The following FAM78B variants were observed in gnomAD, a reference collection of about 807,000 sequenced individuals.
FAM78B encodes the protein protein FAM78B.
A neutral mutation model predicts 20.0 loss-of-function variants in FAM78B; 10 were observed. The ratio of observed to expected loss-of-function variants is 0.50; its 90% CI spans 0.31 to 0.85. The LOEUF (loss-of-function observed/expected upper bound fraction) is 0.85. Ranked by LOEUF, FAM78B falls within the 40% of genes least tolerant of loss-of-function variation. FAM78B has a pLI of 0.05. For synonymous variants in FAM78B, 135 were observed against 132.8 expected, an observed-to-expected ratio of 1.02 and a Z score of -0.12; for missense variants, 283 against 345.0, an observed-to-expected ratio of 0.82 and a Z score of 1.42.
intron 1 of FAM78B, among the ~76,000 whole-genome samples, chr1:166,071,347 T>C (rs956764502): frequency 2.0e-5 from 3 of 152,328 alleles, no homozygotes; most frequent in Non-Finnish European, 4.4e-5. Context: ...GAGAAAATCA[T>C]GGTCATCTTC....
At chr1:166,093,250 T>G (rs1336454173) in intron 1 of FAM78B, among the ~76,000 whole-genome samples, 1 of 152,294 alleles carries the variant, frequency 6.6e-6, no homozygotes, top group East Asian at 1.9e-4. Context: ...GAACAGATAT[T>G]CGGCAGAAAG....
At chr1:166,084,326 G>C (rs1652720274) in intron 1 of FAM78B, among the ~76,000 whole-genome samples, 1 of 150,674 alleles carries the variant, frequency 6.6e-6, no homozygotes, top group Admixed American at 6.6e-5. Context: ...AAAAATATCT[G>C]CTCTGGAAGC....
At position 166,069,886 on chromosome 1, in the gene FAM78B, G is replaced by A. The variant is rs2101708708; in HGVS notation, c.*355C>T. On this transcript the variant is annotated 3_prime_UTR_variant, in exon 2 of 2. Coordinates refer to ENST00000354422, the MANE Select transcript of FAM78B (RefSeq NM_001017961.5). The stretch of plus-strand genomic sequence containing the variant: ...TCTAATTGGCTGGGAAGCAGCATTT[G>A]CCACAGGCACTGTTTAATTTCGTTT... 1.3e-6 allele frequency: 1 copy of A among 743,528 alleles called. No individual in the cohort carries two copies. Among genetic ancestry groups the A allele is most frequent in the Middle Eastern group, 6.5e-4 (1 of 1,542 alleles). The allele number at this position is 743,528 out of a possible 1,614,324, so 46.1% of individuals were successfully genotyped here.
intron 1 of FAM78B, among the ~76,000 whole-genome samples, chr1:166,132,187 T>C (rs989679235): frequency 3.3e-5 from 5 of 152,236 alleles, no homozygotes; most frequent in African/African-American, 9.6e-5. Flanking sequence ...ATCATTACTA[T>C]TGTGTAACAC....
rs1213570514 is a variant in FAM78B at position 166,166,944 on chromosome 1, C to G, written c.-696G>C. ...GGAGGCTGTGGCCCGGGGTGGAGAGCCCCAACGGCTGGAGCAGCACAGGAC... is the reference window on the plus strand; with the variant it reads ...GGAGGCTGTGGCCCGGGGTGGAGAGGCCCAACGGCTGGAGCAGCACAGGAC... On this transcript the variant is annotated 5_prime_UTR_variant, in exon 1 of 2. Transcript: ENST00000354422. 6.6e-6 allele frequency: 1 copy of G among 151,494 alleles called. No homozygotes were observed. The highest frequency in any genetic ancestry group is 6.6e-5 in the Admixed American group (1 of 15,220). The allele number at this position is 151,494 out of a possible 1,614,324, so 9.4% of individuals were successfully genotyped here.
intron 1 of FAM78B, among the ~76,000 whole-genome samples, chr1:166,107,066 A>T (rs1339481440): frequency 6.6e-6 from 1 of 152,114 alleles, no homozygotes; most frequent in Non-Finnish European, 1.5e-5. Flanking sequence ...GCACAAACTG[A>T]CCCTCTAAGG....
At chr1:166,068,430 ATAAC>A (rs1321690101), downstream of FAM78B, among the ~76,000 whole-genome samples, 1 of 152,258 alleles carries the variant, frequency 6.6e-6, no homozygotes, top group Non-Finnish European at 1.5e-5. Context: ...CTTGCCATCA[ATAAC>A]TAATCTATAA....
chr1:166,110,373 G>A (rs1157383933), intron 1 of FAM78B, among the ~76,000 whole-genome samples: 1 of 152,102 alleles, frequency 6.6e-6, no homozygotes, highest in African/African-American at 2.4e-5. Context: ...GCAGAGCTGG[G>A]CATCTTTGAG....
chr1:166,068,045 T>A (rs984351798), downstream of FAM78B, among the ~76,000 whole-genome samples: 1 of 152,216 alleles, frequency 6.6e-6, no homozygotes, highest in Non-Finnish European at 1.5e-5. Flanking sequence ...CAAACATAAA[T>A]CTTGTATAGC....
At chr1:166,164,357 A>G (rs921130836) in intron 1 of FAM78B, among the ~76,000 whole-genome samples, 1 of 152,268 alleles carries the variant, frequency 6.6e-6, no homozygotes, top group African/African-American at 2.4e-5. Flanking sequence ...CTTGGCTGGA[A>G]ACAATGGATT....
intron 1 of FAM78B, among the ~76,000 whole-genome samples, chr1:166,148,569 C>T (rs963768812): frequency 6.6e-6 from 1 of 152,224 alleles, no homozygotes; most frequent in African/African-American, 2.4e-5. Context: ...TTCATCTGTG[C>T]TCATTAGGTG....
chr1:166,141,563 C>T (rs1655277986), intron 1 of FAM78B, among the ~76,000 whole-genome samples: 1 of 152,170 alleles, frequency 6.6e-6, no homozygotes, highest in Admixed American at 6.5e-5. Flanking sequence ...AGGTACTGAA[C>T]AGTTGTTAAA....
intron 1 of FAM78B, among the ~76,000 whole-genome samples, chr1:166,108,334 C>G (rs139826721): frequency 0.019 from 2,906 of 152,222 alleles, 93 homozygotes; most frequent in African/African-American, 0.067. Context: ...ATCAGTAGCT[C>G]TTCTATACAC....
In FAM78B at chr1:166,124,830, G is replaced by A. The variant is rs1571185135; in HGVS notation, c.263+41156C>T. Among the ~76,000 whole-genome samples the A allele has an allele frequency of 3.3e-5, 5 of 152,204 alleles. No homozygotes were observed. The South Asian group carries it at 1.0e-3, about 32-fold the overall frequency. The stretch of plus-strand genomic sequence containing the variant: ...TTGGGCCCTTGGAAGCGGGATCATA[G>A]AGGGCTGTGGAAGGAATGGAGTCAC... On this transcript the variant is annotated intron_variant, in intron 1 of 1. Transcript: ENST00000354422.
intron 1 of FAM78B, among the ~76,000 whole-genome samples, chr1:166,093,764 T>A (rs895995529): frequency 6.6e-6 from 1 of 151,686 alleles, no homozygotes; most frequent in South Asian, 2.1e-4. Context: ...TTTTTTTTTT[T>A]AAAGAAAGCA....
At chr1:166,088,359 T>C (rs1652919942) in intron 1 of FAM78B, among the ~76,000 whole-genome samples, 1 of 152,148 alleles carries the variant, frequency 6.6e-6, no homozygotes, top group Admixed American at 6.5e-5. Context: ...TCCACTGTGC[T>C]CCATGTTCTC....
At chr1:166,068,020 C>T (rs1164600462), downstream of FAM78B, among the ~76,000 whole-genome samples, 2 of 152,130 alleles carry the variant, frequency 1.3e-5, no homozygotes, top group East Asian at 3.8e-4. Flanking sequence ...TATTTTAATG[C>T]ACTAGGGGAA....
In FAM78B at chr1:166,077,827, T is replaced by TATATATAATTTATATATATAATA. The variant is rs1553214942; in HGVS notation, c.264-7087_264-7065dup. Among the ~76,000 whole-genome samples, 8 of 120,452 alleles carry TATATATAATTTATATATATAATA rather than the reference T, an allele frequency of 6.6e-5. 3 individuals are homozygous for TATATATAATTTATATATATAATA. The highest frequency in any genetic ancestry group is 2.5e-4 in the African/African-American group (8 of 32,190). The allele number at this position is 120,452 out of a possible 152,430, so 79.0% of individuals were successfully genotyped here. ...TATTTATATGTAGATTATATATAAATATATATAATTTATATATATAATAAT... is the reference window on the plus strand; with the variant it reads ...TATTTATATGTAGATTATATATAAATATATATAATTTATATATATAATAATATATAATTTATATATATAATAAT... On this transcript the variant is annotated intron_variant, in intron 1 of 1. Transcript: ENST00000354422.
At chr1:166,150,804 C>T (rs1655644023) in intron 1 of FAM78B, among the ~76,000 whole-genome samples, 1 of 152,076 alleles carries the variant, frequency 6.6e-6, no homozygotes, top group Non-Finnish European at 1.5e-5. Flanking sequence ...TACATAGAAG[C>T]AGGCTGGGTG....
Sources: gnomAD v4.1 joint callset for allele counts (sites outside exome capture counted in the v4.1 genomes callset) on GRCh38, gnomAD v4.1.1 for gene constraint, MANE v1.5 for transcripts, NCBI Gene and HGNC (gene_info 2026-07-23, HGNC 2026-07-21) for gene names.